Variants in NEDD4L observed in about 807,000 individuals in gnomAD.
NEDD4L encodes NEDD4 like E3 ubiquitin protein ligase.
NEDD4L carries 54 observed loss-of-function variants against 148.9 expected under a neutral mutation model. That is an observed-to-expected ratio of 0.36 (90% CI 0.29 to 0.45). NEDD4L has a LOEUF of 0.45. NEDD4L is among the 20% of genes least tolerant of loss of function. The probability of loss-of-function intolerance (pLI) is 1.00; values close to 1 mark genes in which losing one functional copy is unlikely to be tolerated. For missense variants in NEDD4L, 856 were observed against 1,233.8 expected (o/e 0.69, Z 4.59); for synonymous variants, 433 against 440.7 (o/e 0.98, Z 0.22).
intron 5 of NEDD4L, among the ~76,000 whole-genome samples, chr18:58,310,121 A>G (rs1480565398): frequency 6.6e-6 from 1 of 152,084 alleles, no homozygotes; most frequent in Non-Finnish European, 1.5e-5. Flanking sequence ...CTCAAAATAG[A>G]TGGTCTTCCT....
chr18:58,310,488 T>C (rs2057558528), intron 5 of NEDD4L, among the ~76,000 whole-genome samples: 1 of 152,248 alleles, frequency 6.6e-6, no homozygotes, highest in Non-Finnish European at 1.5e-5. Flanking sequence ...TTTTTCTTTA[T>C]TTGAGTGCCA....
chr18:58,322,139 G>A (rs555222762), intron 6 of NEDD4L, among the ~76,000 whole-genome samples: 1 of 152,342 alleles, frequency 6.6e-6, no homozygotes, highest in Admixed American at 6.5e-5. Context: ...AGCTCTGTGA[G>A]ACTGAGGCCA....
intron 1 of NEDD4L, among the ~76,000 whole-genome samples, chr18:58,125,600 A>G (rs1005469951): frequency 6.6e-6 from 1 of 152,046 alleles, no homozygotes; most frequent in Non-Finnish European, 1.5e-5. Context: ...TCACCACCCC[A>G]CTGCCAGCCT....
At chr18:58,309,392 C>G (rs1358989787) in intron 5 of NEDD4L, among the ~76,000 whole-genome samples, 1 of 152,198 alleles carries the variant, frequency 6.6e-6, no homozygotes, top group Non-Finnish European at 1.5e-5. Context: ...TCAAGGTGTC[C>G]CTGCAGTATT....
chr18:58,310,105 G>T (rs1057134550), intron 5 of NEDD4L, among the ~76,000 whole-genome samples: 1 of 152,170 alleles, frequency 6.6e-6, no homozygotes, highest in South Asian at 2.1e-4. Flanking sequence ...TCAGTAATAA[G>T]TGTTCCTCAA....
At chr18:58,108,152 A>C (rs1031884381) in intron 1 of NEDD4L, among the ~76,000 whole-genome samples, 3 of 152,306 alleles carry the variant, frequency 2.0e-5, no homozygotes, top group Non-Finnish European at 2.9e-5. Flanking sequence ...TGACTGCGTG[A>C]TAAACGTTAG....
chr18:58,314,509 C>T (rs1355091930), intron 5 of NEDD4L: 1 of 152,144 alleles, frequency 6.6e-6, no homozygotes, highest in African/African-American at 2.4e-5. Context: ...GTGTGAGTCA[C>T]TGGGGCAGCG....
At chr18:58,350,637 C>T (rs925055253) in intron 17 of NEDD4L, among the ~76,000 whole-genome samples, 1 of 152,112 alleles carries the variant, frequency 6.6e-6, no homozygotes, top group Non-Finnish European at 1.5e-5. Flanking sequence ...TTATATTAAC[C>T]CCCTCTTCCT....
At chr18:58,351,240 C>G (rs1227087405) in intron 18 of NEDD4L, 195 bp downstream of exon 18, 22 of 904,368 alleles carry the variant, frequency 2.4e-5, no homozygotes, top group Non-Finnish European at 2.6e-5. Flanking sequence ...AGTAGCCCAT[C>G]AAACTTTCAC....
At chr18:58,188,357 A>G (rs1185695425) in intron 2 of NEDD4L, among the ~76,000 whole-genome samples, 2 of 145,544 alleles carry the variant, frequency 1.4e-5, no homozygotes, top group Non-Finnish European at 3.1e-5. Flanking sequence ...CCAAAAACAT[A>G]TTGTTGCCAA....
intron 13 of NEDD4L, 112 bp downstream of exon 13, chr18:58,335,649 C>A: frequency 2.4e-6 from 2 of 818,620 alleles, no homozygotes; most frequent in Non-Finnish European, 4.3e-6. Context: ...CTCCTTTGTG[C>A]TACAGAGCTG....
chr18:58,234,702 G>C (rs1395532298), intron 2 of NEDD4L, among the ~76,000 whole-genome samples: 1 of 152,028 alleles, frequency 6.6e-6, no homozygotes, highest in African/African-American at 2.4e-5. Flanking sequence ...CTGAAATACT[G>C]GGGGAACATA....
At chr18:58,138,159 G>A (rs542481113) in intron 1 of NEDD4L, among the ~76,000 whole-genome samples, 1 of 152,314 alleles carries the variant, frequency 6.6e-6, no homozygotes, top group East Asian at 1.9e-4. Context: ...TTTTCTGGTT[G>A]AGTGGTGCTA....
chr18:58,104,504 G>A (rs1002024018), intron 1 of NEDD4L, among the ~76,000 whole-genome samples: 6 of 152,142 alleles, frequency 3.9e-5, no homozygotes, highest in Admixed American at 6.5e-5. Context: ...ATTTCACCTC[G>A]ATTTTAAAAA....
At chr18:58,123,439 T>G (rs898465250) in intron 1 of NEDD4L, among the ~76,000 whole-genome samples, 25 of 152,180 alleles carry the variant, frequency 1.6e-4, no homozygotes, top group African/African-American at 6.0e-4. Context: ...CCCTTTCCGG[T>G]GCCCTCAGGG....
intron 23 of NEDD4L, among the ~76,000 whole-genome samples, chr18:58,371,323 G>T (rs1048702802): frequency 1.3e-5 from 2 of 151,422 alleles, no homozygotes; most frequent in Non-Finnish European, 2.9e-5. Context: ...AAAGTGCTGG[G>T]ATTACAGGTG....
At position 58,350,984 on chromosome 18, in the gene NEDD4L, A is replaced by G; in HGVS notation, c.1654-7A>G. ...TTTTCTCTCTCCCTTCCTTCCCCGG[A>G]TACTAGCCTGGCTGGGAAGAAAGAA... On this transcript the variant is annotated splice_polypyrimidine_tract_variant and splice_region_variant and intron_variant, in intron 17 of 30. Transcript: ENST00000400345. 2 of 1,585,962 alleles carry G rather than the reference A, an allele frequency of 1.3e-6. No homozygotes were observed. The highest frequency in any genetic ancestry group is 1.7e-6 in the Non-Finnish European group (2 of 1,164,512).
Position 58,365,996 on chromosome 18 carries a change from T to C in NEDD4L, c.1834-3T>C. 1 of 1,594,066 alleles carries C rather than the reference T, an allele frequency of 6.3e-7. No homozygotes were observed. Among genetic ancestry groups the C allele is most frequent in the Non-Finnish European group, 8.6e-7 (1 of 1,166,374 alleles). On this transcript the variant is annotated splice_region_variant and splice_polypyrimidine_tract_variant and intron_variant, in intron 20 of 30. Transcript: ENST00000400345. ...TATGTGTTTTCTTTTGTCTTTTGTG[T>C]AGGCTGATATCCCCAATAGGTTTGA...
At position 58,128,398 on chromosome 18, in the gene NEDD4L, C is replaced by G. The variant is rs151034624; in HGVS notation, c.49-37390C>G. On this transcript the variant is annotated intron_variant, in intron 1 of 30. Transcript: ENST00000400345. The stretch of plus-strand genomic sequence containing the variant: ...GAAACTTAATAGGTCAAAGAACCCT[C>G]CCCTTGAGGCAGTTTGGATGGGGCT... Among the ~76,000 whole-genome samples the G allele has an allele frequency of 9.2e-5, 14 of 152,280 alleles. No homozygotes were observed. The South Asian group carries it at 2.9e-3, about 32-fold the overall frequency.
Sources: gnomAD v4.1 joint callset for allele counts (sites outside exome capture counted in the v4.1 genomes callset) on GRCh38, gnomAD v4.1.1 for gene constraint, MANE v1.5 for transcripts, NCBI Gene and HGNC (gene_info 2026-07-23, HGNC 2026-07-21) for gene names.